SH3PXD2A: variants seen among roughly 807,000 people sequenced by gnomAD.
SH3PXD2A encodes the protein SH3 and PX domain-containing protein 2A.
Under a neutral mutation model 115.2 loss-of-function variants are expected in SH3PXD2A, and 32 were observed. The ratio of observed to expected loss-of-function variants is 0.28; its 90% CI spans 0.21 to 0.37. The LOEUF (loss-of-function observed/expected upper bound fraction) is 0.37, where lower values mean the gene tolerates loss of function less well. SH3PXD2A is among the 10% of genes least tolerant of loss of function. The pLI, the probability that SH3PXD2A is intolerant of heterozygous loss-of-function variation, is 1.00. For synonymous variants in SH3PXD2A, 610 were observed against 629.1 expected (o/e 0.97, Z 0.45); for missense variants, 1,328 against 1,498.7 (o/e 0.89, Z 1.88).
intron 5 of SH3PXD2A, 27 bp from the exon 6 acceptor site, chr10:103,693,083 C>T (rs2037778634): frequency 1.2e-6 from 2 of 1,612,232 alleles, no homozygotes; most frequent in Admixed American, 1.7e-5. Flanking sequence ...AACAGATAGA[C>T]ATGGTTAGGG....
chr10:103,686,741 G>A (rs2037682996), intron 6 of SH3PXD2A, among the ~76,000 whole-genome samples: 2 of 141,678 alleles, frequency 1.4e-5, no homozygotes, highest in South Asian at 4.5e-4. Context: ...GGTGTTGCTG[G>A]GGAATTTTTT....
At chr10:103,715,156 CAG>C (rs2038091208) in intron 5 of SH3PXD2A, among the ~76,000 whole-genome samples, 1 of 152,206 alleles carries the variant, frequency 6.6e-6, no homozygotes, top group Admixed American at 6.5e-5. Flanking sequence ...AGAAGAAAAA[CAG>C]AAAATCCCAT....
intron 4 of SH3PXD2A, among the ~76,000 whole-genome samples, chr10:103,733,419 G>A (rs11596328): frequency 6.6e-6 from 1 of 152,072 alleles, no homozygotes; most frequent in African/African-American, 2.4e-5. Flanking sequence ...CCTTCCTCCC[G>A]CCCTATGCCC....
chr10:103,608,171 G>GTTAAAAAAAAAAAAAAAAAAAAA (rs2036361587), intron 13 of SH3PXD2A, among the ~76,000 whole-genome samples: 1 of 29,400 alleles, frequency 3.4e-5, no homozygotes, highest in Non-Finnish European at 6.1e-5. Flanking sequence ...AAAAAAAAAA[G>GTTAAAAAAAAAAAAAAAAAAAAA]AACACAGGAC....
chr10:103,716,264 T>G (rs1304128515), intron 5 of SH3PXD2A, among the ~76,000 whole-genome samples: 4 of 152,074 alleles, frequency 2.6e-5, no homozygotes, highest in Non-Finnish European at 5.9e-5. Flanking sequence ...TGCCCTGGGG[T>G]TCCCCGCAGG....
intron 13 of SH3PXD2A, among the ~76,000 whole-genome samples, chr10:103,607,186 G>A (rs1261902433): frequency 8.5e-6 from 1 of 118,198 alleles, no homozygotes; most frequent in East Asian, 2.9e-4. Flanking sequence ...CCCCGGCCGC[G>A]ACCCCGTCTG....
At chr10:103,745,946 T>A (rs2038497771) in intron 3 of SH3PXD2A, 1 of 152,052 alleles carries the variant, frequency 6.6e-6, no homozygotes, top group South Asian at 2.1e-4. Flanking sequence ...CCCCACTCCC[T>A]CTCCCACACG....
intron 3 of SH3PXD2A, among the ~76,000 whole-genome samples, chr10:103,759,910 A>G (rs1437862635): frequency 1.3e-5 from 2 of 152,224 alleles, no homozygotes; most frequent in Non-Finnish European, 2.9e-5. Flanking sequence ...GACCTCAGAA[A>G]GCGCTAAGGC....
At chr10:103,813,458 C>T (rs1406868543) in intron 1 of SH3PXD2A, among the ~76,000 whole-genome samples, 3 of 152,072 alleles carry the variant, frequency 2.0e-5, no homozygotes, top group East Asian at 1.9e-4. Flanking sequence ...CTGGGACTAT[C>T]GGCATGTGCC....
In SH3PXD2A at chr10:103,806,688, C is replaced by T. The variant is rs78671972; in HGVS notation, c.73-5326G>A. On this transcript the variant is annotated intron_variant, in intron 1 of 14. Coordinates refer to ENST00000369774, the MANE Select transcript of SH3PXD2A (RefSeq NM_001394015.1). ...ACGCTTTACTTGGGGTTATGTTTCACGGGTGGAGTTTCTCTTCCTTCTGGA... is the reference window on the plus strand; with the variant it reads ...ACGCTTTACTTGGGGTTATGTTTCATGGGTGGAGTTTCTCTTCCTTCTGGA... 5.2e-3 allele frequency among the ~76,000 whole-genome samples: 793 copies of T among 152,292 alleles called. 1 individual carries two copies. The highest frequency in any genetic ancestry group is 0.024 in the Middle Eastern group (7 of 294).
chr10:103,643,745 C>T (rs969997438), intron 8 of SH3PXD2A, among the ~76,000 whole-genome samples: 10 of 152,094 alleles, frequency 6.6e-5, no homozygotes, highest in Non-Finnish European at 1.5e-5. Context: ...ATGCTGTGTC[C>T]GCCCAGCACA....
chr10:103,712,750 G>A (rs1172470555), intron 5 of SH3PXD2A, among the ~76,000 whole-genome samples: 2 of 152,250 alleles, frequency 1.3e-5, no homozygotes, highest in Non-Finnish European at 2.9e-5. Flanking sequence ...TCCTGATGCA[G>A]TTATTCTGCC....
chr10:103,793,383 T>C (rs907751155), intron 2 of SH3PXD2A, among the ~76,000 whole-genome samples: 2 of 152,348 alleles, frequency 1.3e-5, no homozygotes, highest in African/African-American at 2.4e-5. Context: ...GAAACTTGCA[T>C]TGTTTGTTCA....
Position 103,671,879 on chromosome 10 carries a change from C to T in SH3PXD2A, c.428-3227G>A, listed in dbSNP as rs932487991. ...ATCTCCTCTGGTGATCCAGAACCAA[C>T]GGCCCTACAGAGCAGGGTCACTGGC... On this transcript the variant is annotated intron_variant, in intron 6 of 14. Transcript: ENST00000369774. Among the ~76,000 whole-genome samples the T allele has an allele frequency of 1.1e-4, 17 of 152,226 alleles. No individual in the cohort carries two copies. In the South Asian group the frequency reaches 1.9e-3, roughly 17 times the overall value.
chr10:103,772,843 T>C (rs2038841340), intron 2 of SH3PXD2A, among the ~76,000 whole-genome samples: 1 of 152,198 alleles, frequency 6.6e-6, no homozygotes, highest in Non-Finnish European at 1.5e-5. Flanking sequence ...ACCTTCATCC[T>C]TGTGCCCTTT....
intron 7 of SH3PXD2A, among the ~76,000 whole-genome samples, chr10:103,663,909 A>G (rs1439299456): frequency 6.6e-6 from 1 of 152,258 alleles, no homozygotes; most frequent in Admixed American, 6.5e-5. Flanking sequence ...GCACGTGCAC[A>G]GTCCCGAGCA....
chr10:103,706,625 A>C (rs1042648936), intron 5 of SH3PXD2A, among the ~76,000 whole-genome samples: 5 of 152,190 alleles, frequency 3.3e-5, no homozygotes, highest in Non-Finnish European at 7.3e-5. Flanking sequence ...GCTGGTTATA[A>C]TCGTGTTTCC....
intron 1 of SH3PXD2A, among the ~76,000 whole-genome samples, chr10:103,840,434 T>C (rs1214555836): frequency 6.6e-6 from 1 of 152,234 alleles, no homozygotes; most frequent in Admixed American, 6.5e-5. Context: ...AAATGGTTTT[T>C]CCTGTCTGGG....
intron 6 of SH3PXD2A, among the ~76,000 whole-genome samples, chr10:103,683,788 C>A (rs1174601265): frequency 6.6e-6 from 1 of 152,216 alleles, no homozygotes; most frequent in Non-Finnish European, 1.5e-5. Flanking sequence ...CAGCCCATCA[C>A]AATCTCCTCT....
Sources: allele counts gnomAD v4.1 joint callset (sites outside exome capture counted in the v4.1 genomes callset), GRCh38; gene constraint gnomAD v4.1.1; transcripts MANE v1.5; gene names NCBI Gene and HGNC (gene_info 2026-07-23, HGNC 2026-07-21).